COL28A1: variants seen among roughly 807,000 people sequenced by gnomAD.
COL28A1 encodes the protein collagen alpha-1(XXVIII) chain.
COL28A1 carries 161 observed loss-of-function variants against 150.2 expected under a neutral mutation model. That is an observed-to-expected ratio of 1.07 (90% CI 0.94 to 1.22). The LOEUF is 1.22. COL28A1 is among the 50% of genes most tolerant of loss of function. The pLI is 0.00. For synonymous variants in COL28A1, 552 were observed against 469.7 expected (o/e 1.18, Z -2.26); for missense variants, 1,617 against 1,388.3 (o/e 1.16, Z -2.62).
intron 16 of COL28A1, among the ~76,000 whole-genome samples, chr7:7,455,496 C>A (rs924845022): frequency 6.6e-6 from 1 of 152,106 alleles, no homozygotes; most frequent in African/African-American, 2.4e-5. Context: ...CCAAGAGGGG[C>A]CAGGTGTCAT....
chr7:7,400,770 G>C (rs968990111), intron 27 of COL28A1, among the ~76,000 whole-genome samples: 1 of 149,860 alleles, frequency 6.7e-6, no homozygotes, highest in African/African-American at 2.4e-5. Context: ...AGTGTTGCCT[G>C]TATACTTTGT....
rs1783477723 is a variant in COL28A1, at chr7:7,406,105, G to A, written c.2136+11754C>T. ...AAAAAATCAAATCCAGCTGTACCAA[G>A]TAAGTGCCTACCTGCTAGGCCAACC... On this transcript the variant is annotated intron_variant, in intron 27 of 34. Coordinates refer to ENST00000399429, the MANE Select transcript of COL28A1 (RefSeq NM_001037763.3). Among the ~76,000 whole-genome samples the A allele has an allele frequency of 2.0e-5, 3 of 152,100 alleles. No individual in the cohort carries two copies. In the South Asian group the frequency reaches 6.2e-4, roughly 31 times the overall value.
chr7:7,399,930 G>C (rs892132378), intron 27 of COL28A1, among the ~76,000 whole-genome samples: 2 of 152,232 alleles, frequency 1.3e-5, no homozygotes, highest in African/African-American at 4.8e-5. Flanking sequence ...CAGAACTGCT[G>C]ACCTGTGTGG....
At chr7:7,483,573 G>C (rs913716124) in intron 13 of COL28A1, among the ~76,000 whole-genome samples, 1 of 152,094 alleles carries the variant, frequency 6.6e-6, no homozygotes, top group Non-Finnish European at 1.5e-5. Context: ...GAGTACAAAA[G>C]AGATACAAAC....
intron 27 of COL28A1, among the ~76,000 whole-genome samples, chr7:7,396,618 A>G (rs1461983947): frequency 6.6e-6 from 1 of 152,156 alleles, no homozygotes; most frequent in African/African-American, 2.4e-5. Context: ...AAAGCACCCT[A>G]TTTGGTTGGG....
intron 31 of COL28A1, 96 bp downstream of exon 31, chr7:7,375,365 T>C (rs889683843): frequency 1.4e-5 from 16 of 1,148,672 alleles, no homozygotes; most frequent in Middle Eastern, 2.2e-4. Flanking sequence ...CCGCTAGCTA[T>C]ATAATATACA....
chr7:7,350,674 T>TTTTTA, the COL28A1 span, among the ~76,000 whole-genome samples: 2 of 134,112 alleles, frequency 1.5e-5, no homozygotes, highest in African/African-American at 5.4e-5. Context: ...TTTTTTTTTT[T>TTTTTA]AAAACCGCTG....
intron 15 of COL28A1, among the ~76,000 whole-genome samples, chr7:7,456,640 G>A (rs1787193713): frequency 6.6e-6 from 1 of 152,116 alleles, no homozygotes; most frequent in South Asian, 2.1e-4. Flanking sequence ...CAAAATTAAA[G>A]TTACCAGCAA....
chr7:7,423,659 A>AT (rs544993794), intron 25 of COL28A1, among the ~76,000 whole-genome samples: 94 of 152,030 alleles, frequency 6.2e-4, no homozygotes, highest in South Asian at 4.2e-3. Context: ...TTAATTCATG[A>AT]TTTTTTTTGT....
At chr7:7,422,216 G>T (rs537722218) in intron 25 of COL28A1, among the ~76,000 whole-genome samples, 1 of 152,272 alleles carries the variant, frequency 6.6e-6, no homozygotes, top group South Asian at 2.1e-4. Flanking sequence ...ATCATCGAAA[G>T]TTTCATCAAA....
intron 30 of COL28A1, among the ~76,000 whole-genome samples, chr7:7,379,599 A>G (rs1427513582): frequency 6.6e-6 from 1 of 152,198 alleles, no homozygotes; most frequent in Non-Finnish European, 1.5e-5. Context: ...CCCAGTGCCT[A>G]TTTTGGAGCC....
In COL28A1 at chr7:7,417,993, T is replaced by A. The variant is rs989791428; in HGVS notation, c.2068-66A>T. ...AGATCGAAGAAGAAACAACGTTAAGTATTACTACTCTCAGCTGCATTCTTA... is the reference window on the plus strand; with the variant it reads ...AGATCGAAGAAGAAACAACGTTAAGAATTACTACTCTCAGCTGCATTCTTA... On this transcript the variant is annotated intron_variant, in intron 26 of 34. Coordinates refer to ENST00000399429, the MANE Select transcript of COL28A1 (RefSeq NM_001037763.3). 27 of 1,290,990 alleles carry A rather than the reference T, an allele frequency of 2.1e-5. 1 individual carries two copies. In the African/African-American group the frequency reaches 3.4e-4, roughly 16 times the overall value. The allele number at this position is 1,290,990 out of a possible 1,614,324, so 80.0% of individuals were successfully genotyped here. A position where few individuals can be genotyped will look rare whatever the true frequency, so the allele number is the denominator to read the frequency against.
At position 7,432,467 on chromosome 7, in the gene COL28A1, T is replaced by C; in HGVS notation, c.1998+6A>G. On this transcript the variant is annotated splice_donor_region_variant and intron_variant, in intron 25 of 34. Coordinates refer to ENST00000399429, the MANE Select transcript of COL28A1 (RefSeq NM_001037763.3). ...AGCTAGTACGTTGCCTACTTTAAAG[T>C]CTTACCTTTGCTCCAGTGTCTCCCA... The C allele has an allele frequency of 6.2e-7, 1 of 1,613,764 alleles. No homozygotes were observed. Among genetic ancestry groups the C allele is most frequent in the Non-Finnish European group, 8.5e-7 (1 of 1,179,688 alleles).
chr7:7,343,162 T>C, the COL28A1 span, among the ~76,000 whole-genome samples: 1 of 151,336 alleles, frequency 6.6e-6, no homozygotes, highest in African/African-American at 2.4e-5. Flanking sequence ...TGTAGTTTCA[T>C]ATTATATATA....
intron 15 of COL28A1, among the ~76,000 whole-genome samples, chr7:7,464,610 C>A (rs929579930): frequency 6.6e-6 from 1 of 152,190 alleles, no homozygotes; most frequent in African/African-American, 2.4e-5. Context: ...ATTCTTCAAA[C>A]TGAATGACAA....
At position 7,437,430 on chromosome 7, in the gene COL28A1, C is replaced by T; in HGVS notation, c.1755G>A (p.Met585Ile). 1.2e-6 allele frequency: 2 copies of T among 1,613,508 alleles called. No individual in the cohort carries two copies. Among genetic ancestry groups the T allele is most frequent in the Non-Finnish European group, 1.7e-6 (2 of 1,179,848 alleles). ...GTGGTCCAGGAATTGATGTTCCAGGCATTCCAAAAGGGCCCATAATGCCCG... is the reference window on the plus strand; with the variant it reads ...GTGGTCCAGGAATTGATGTTCCAGGTATTCCAAAAGGGCCCATAATGCCCG... Reference protein sequence around the residue: ...GEPGIMGPFGMPGTSIPGPPG... With the variant: ...GEPGIMGPFGIPGTSIPGPPG... Residue 585 changes from methionine (M) to isoleucine (I), a missense_variant, in exon 22 of 35, where the codon ATG (methionine) becomes ATA (isoleucine). Coordinates refer to ENST00000399429, the MANE Select transcript of COL28A1 (RefSeq NM_001037763.3).
chr7:7,394,370 T>C (rs1782722764), intron 27 of COL28A1, among the ~76,000 whole-genome samples: 2 of 152,212 alleles, frequency 1.3e-5, no homozygotes, highest in Admixed American at 1.3e-4. Flanking sequence ...ACCAGAGCTG[T>C]TCCTATTCAG....
At chr7:7,516,414 C>A (rs1249732721) in intron 7 of COL28A1, among the ~76,000 whole-genome samples, 1 of 152,196 alleles carries the variant, frequency 6.6e-6, no homozygotes, top group Non-Finnish European at 1.5e-5. Flanking sequence ...TGTCTTTTAT[C>A]TCACACTAAA....
At chr7:7,466,365 G>C (rs1788081352) in intron 15 of COL28A1, among the ~76,000 whole-genome samples, 1 of 146,022 alleles carries the variant, frequency 6.8e-6, no homozygotes, top group Admixed American at 7.0e-5. Flanking sequence ...AGCAATGGAA[G>C]ATGAAATGAA....
Sources: gnomAD v4.1 joint callset for allele counts (sites outside exome capture counted in the v4.1 genomes callset) on GRCh38, gnomAD v4.1.1 for gene constraint, MANE v1.5 for transcripts, NCBI Gene and HGNC (gene_info 2026-07-23, HGNC 2026-07-21) for gene names.